The following FARSB variants were observed in gnomAD, a reference collection of about 807,000 sequenced individuals.
FARSB encodes phenylalanine--tRNA ligase beta subunit.
Under a neutral mutation model 69.6 loss-of-function variants are expected in FARSB, and 40 were observed. The ratio of observed to expected loss-of-function variants is 0.57; its 90% CI spans 0.45 to 0.75. The LOEUF is 0.75. FARSB is among the 30% of genes least tolerant of loss of function. The pLI, the probability that FARSB is intolerant of heterozygous loss-of-function variation, is 0.00. For synonymous variants in FARSB, 235 were observed against 247.2 expected, an observed-to-expected ratio of 0.95 and a Z score of 0.46; for missense variants, 632 against 722.9, an observed-to-expected ratio of 0.87 and a Z score of 1.44.
chr2:222,640,778 C>A, intron 4 of FARSB, 84 bp downstream of exon 4: 1 of 702,606 alleles, frequency 1.4e-6, no homozygotes, highest in South Asian at 1.7e-5. Context: ...AAAGAGTAAG[C>A]TTTGTTTCTC....
intron 15 of FARSB, among the ~76,000 whole-genome samples, chr2:222,612,422 C>T (rs1690879959): frequency 6.6e-6 from 1 of 152,216 alleles, no homozygotes; most frequent in Non-Finnish European, 1.5e-5. Flanking sequence ...GGAATCCAGC[C>T]TTGGCTGGAG....
chr2:222,628,341 T>C (rs985614503), intron 10 of FARSB, among the ~76,000 whole-genome samples: 4 of 152,210 alleles, frequency 2.6e-5, no homozygotes, highest in Admixed American at 1.3e-4. Context: ...ATGTCTGATA[T>C]GATGGATATG....
At position 222,567,695 on chromosome 2, in the gene FARSB, A is replaced by C. The variant is rs1052365074; in HGVS notation, c.*4176T>G. 2 of 152,234 alleles carry C rather than the reference A, an allele frequency of 1.3e-5. No individual in the cohort carries two copies. The highest frequency in any genetic ancestry group is 4.8e-5 in the African/African-American group (2 of 41,464). 9.4% of individuals were successfully genotyped at this position (152,234 alleles called of 1,614,324 possible). A position where few individuals can be genotyped will look rare whatever the true frequency, so the allele number is the denominator to read the frequency against. On this transcript the variant is annotated 3_prime_UTR_variant, in exon 17 of 17. Transcript: ENST00000281828. ...TACTGGAATAATATATAGTTCAAGT[A>C]CAAACGTCACATCAAAGAAATATCT...
chr2:222,626,388 C>T (rs545616902), intron 10 of FARSB, among the ~76,000 whole-genome samples: 84 of 151,624 alleles, frequency 5.5e-4, no homozygotes, highest in African/African-American at 1.9e-3. Flanking sequence ...TATTTTAAAA[C>T]TTTATTTTTT....
At chr2:222,580,830 G>C (rs978963071) in intron 16 of FARSB, among the ~76,000 whole-genome samples, 28 of 152,128 alleles carry the variant, frequency 1.8e-4, no homozygotes, top group African/African-American at 6.5e-4. Context: ...TTTATCTCCT[G>C]AAAGGTGAGC....
rs149409131 is a variant in FARSB at position 222,597,124 on chromosome 2, G to C, written c.1618+2804C>G. On this transcript the variant is annotated intron_variant, in intron 16 of 16. Coordinates refer to ENST00000281828, the MANE Select transcript of FARSB (RefSeq NM_005687.5). ...CTAATGCGGCCAATGATGGTGATAGGGGGTGAAAGTAAATCTCCTGCCCTT... is the reference window on the plus strand; with the variant it reads ...CTAATGCGGCCAATGATGGTGATAGCGGGTGAAAGTAAATCTCCTGCCCTT... Among the ~76,000 whole-genome samples, 223 of 152,188 alleles carry C rather than the reference G, an allele frequency of 1.5e-3. 1 individual carries two copies. Among genetic ancestry groups the C allele is most frequent in the Admixed American group, 0.013 (193 of 15,280 alleles).
At chr2:222,596,872 TACTG>T (rs1690431934) in intron 16 of FARSB, among the ~76,000 whole-genome samples, 1 of 152,190 alleles carries the variant, frequency 6.6e-6, no homozygotes, top group Admixed American at 6.5e-5. Context: ...CCAACTTTAT[TACTG>T]ACTTATTTTG....
At chr2:222,644,569 T>C (rs1691800305) in intron 2 of FARSB, 1 of 451,778 alleles carries the variant, frequency 2.2e-6, no homozygotes, top group South Asian at 1.6e-5. Flanking sequence ...GAGGGACCTA[T>C]ATACAGAGAA....
At chr2:222,601,311 T>C (rs1287835679) in intron 15 of FARSB, among the ~76,000 whole-genome samples, 2 of 152,032 alleles carry the variant, frequency 1.3e-5, no homozygotes, top group Non-Finnish European at 1.5e-5. Flanking sequence ...ATATGAAGAA[T>C]AGGGCCAGGC....
Position 222,643,219 on chromosome 2 carries a change from A to G in FARSB, c.115-214T>C, listed in dbSNP as rs1440049094. On this transcript the variant is annotated intron_variant, in intron 2 of 16. Coordinates refer to ENST00000281828, the MANE Select transcript of FARSB (RefSeq NM_005687.5). Reference sequence around the variant, plus strand: ...ATACTTCAGCTTTAACTGAGTTCAGATATCTGGCAACCTCAATCACCCCAG... The same window carrying G: ...ATACTTCAGCTTTAACTGAGTTCAGGTATCTGGCAACCTCAATCACCCCAG... Among the ~76,000 whole-genome samples, 4 of 152,244 alleles carry G rather than the reference A, an allele frequency of 2.6e-5. No homozygotes were observed. The East Asian group carries it at 5.8e-4, about 22-fold the overall frequency.
chr2:222,625,409 C>T (rs1691243588), intron 10 of FARSB, among the ~76,000 whole-genome samples: 1 of 152,178 alleles, frequency 6.6e-6, no homozygotes, highest in African/African-American at 2.4e-5. Flanking sequence ...GTATAACATG[C>T]CACTAGCAAA....
At position 222,640,921 on chromosome 2, in the gene FARSB, G is replaced by C. The variant is rs139430746; in HGVS notation, c.280C>G (p.Pro94Ala). 1 of 1,498,724 alleles carries C rather than the reference G, an allele frequency of 6.7e-7. No individual in the cohort carries two copies. The highest frequency in any genetic ancestry group is 9.2e-7 in the Non-Finnish European group (1 of 1,091,250). The allele number at this position is 1,498,724 out of a possible 1,614,324, so 92.8% of individuals were successfully genotyped here. A position where few individuals can be genotyped will look rare whatever the true frequency, so the allele number is the denominator to read the frequency against. The change falls in exon 4 of 17, where the codon CCA (proline) becomes GCA (alanine). Residue 94 changes from proline to alanine, a missense_variant. Physicochemically the swap from Pro to Ala is conservative, Grantham distance 27. Coordinates refer to ENST00000281828, the MANE Select transcript of FARSB (RefSeq NM_005687.5). ...LQVFKERIKA[P>A]VYKRVMPDGK... ...TCAGGCATTACCCGTTTATACACTGGAGCCTTTATCCTAAAATAATATTTA... is the reference window on the plus strand; with the variant it reads ...TCAGGCATTACCCGTTTATACACTGCAGCCTTTATCCTAAAATAATATTTA...
chr2:222,577,437 C>A (rs1444905040), intron 16 of FARSB, among the ~76,000 whole-genome samples: 1 of 152,178 alleles, frequency 6.6e-6, no homozygotes, highest in Non-Finnish European at 1.5e-5. Flanking sequence ...TCCCAACACA[C>A]CTGCAGACAC....
Position 222,613,174 on chromosome 2 carries a change from G to A in FARSB, c.1462+637C>T, listed in dbSNP as rs1690902240. Among the ~76,000 whole-genome samples the A allele has an allele frequency of 2.0e-5, 3 of 152,174 alleles. No homozygotes were observed. In the South Asian group the frequency reaches 6.2e-4, roughly 32 times the overall value. ...GAGAGACATAGCAACCAAATAGCTG[G>A]ACCTTAAATTCTGATTCAAATAAAT... On this transcript the variant is annotated intron_variant, in intron 15 of 16. Transcript: ENST00000281828.
At chr2:222,641,707 T>G (rs926096888) in intron 3 of FARSB, among the ~76,000 whole-genome samples, 1 of 152,196 alleles carries the variant, frequency 6.6e-6, no homozygotes, top group African/African-American at 2.4e-5. Flanking sequence ...CTGGGCAGGT[T>G]TGGGAAACGA....
At chr2:222,602,109 C>T (rs1039679868) in intron 15 of FARSB, among the ~76,000 whole-genome samples, 3 of 152,028 alleles carry the variant, frequency 2.0e-5, no homozygotes, top group Non-Finnish European at 4.4e-5. Context: ...AAAGGCATTA[C>T]GCTGAAAGAA....
At chr2:222,629,825 C>T (rs545964299) in intron 9 of FARSB, among the ~76,000 whole-genome samples, 13 of 152,156 alleles carry the variant, frequency 8.5e-5, no homozygotes, top group African/African-American at 2.7e-4. Flanking sequence ...ACAGCAGCCT[C>T]GACCTCCCAG....
At chr2:222,608,248 G>GA (rs1234097679) in intron 15 of FARSB, among the ~76,000 whole-genome samples, 1 of 152,118 alleles carries the variant, frequency 6.6e-6, no homozygotes, top group Non-Finnish European at 1.5e-5. Flanking sequence ...GCTCTCTTTG[G>GA]AAAACCACAT....
At chr2:222,600,732 C>G (rs1378181132) in intron 15 of FARSB, among the ~76,000 whole-genome samples, 1 of 152,064 alleles carries the variant, frequency 6.6e-6, no homozygotes, top group African/African-American at 2.4e-5. Context: ...AACTATGAAG[C>G]AAGTAAGGTA....
Sources: allele counts gnomAD v4.1 joint callset (sites outside exome capture counted in the v4.1 genomes callset), GRCh38; gene constraint gnomAD v4.1.1; transcripts MANE v1.5; gene names NCBI Gene and HGNC (gene_info 2026-07-23, HGNC 2026-07-21).